Variants in FTO observed in about 807,000 individuals in gnomAD.
FTO encodes the protein FTO alpha-ketoglutarate dependent dioxygenase, also known as alpha-ketoglutarate-dependent dioxygenase FTO.
In FTO, 47 loss-of-function variants were observed where a neutral mutation model predicts 63.9. The ratio of observed to expected loss-of-function variants is 0.74; its 90% CI spans 0.58 to 0.94. The LOEUF is 0.94. Among genes scored for constraint, FTO ranks in the 40% least tolerant of loss-of-function variants. The probability of loss-of-function intolerance (pLI) is 0.00; values close to 1 mark genes in which losing one functional copy is unlikely to be tolerated. For synonymous variants in FTO, 207 were observed against 224.4 expected (o/e 0.92, Z 0.69); for missense variants, 562 against 618.1 (o/e 0.91, Z 0.96).
At position 54,121,193 on chromosome 16, in the gene FTO, A is replaced by G. The variant is rs2087002902; in HGVS notation, c.*9278A>G. ...CCAAATAGTCATTGTCTGACCCTTCATAGAAAAATTTTGCTGAACTGTAGT... is the reference window on the plus strand; with the variant it reads ...CCAAATAGTCATTGTCTGACCCTTCGTAGAAAAATTTTGCTGAACTGTAGT... On this transcript the variant is annotated 3_prime_UTR_variant, in exon 9 of 9. Coordinates refer to ENST00000471389, the MANE Select transcript of FTO (RefSeq NM_001080432.3). 6.6e-6 allele frequency: 1 copy of G among 152,232 alleles called. No homozygotes were observed. The highest frequency in any genetic ancestry group is 2.1e-4 in the South Asian group (1 of 4,836). The allele number at this position is 152,232 out of a possible 1,614,324, so 9.4% of individuals were successfully genotyped here.
chr16:53,775,623 AC>A (rs2077441754), intron 1 of FTO, among the ~76,000 whole-genome samples: 1 of 152,230 alleles, frequency 6.6e-6, no homozygotes, highest in Non-Finnish European at 1.5e-5. Context: ...GACTTTCAGG[AC>A]CTTCCATAAT....
At chr16:54,076,286 C>T (rs1398748291) in intron 8 of FTO, among the ~76,000 whole-genome samples, 8 of 152,160 alleles carry the variant, frequency 5.3e-5, no homozygotes, top group Non-Finnish European at 1.0e-4. Context: ...TTAAGCAAAG[C>T]CAGAGCTTTA....
intron 1 of FTO, among the ~76,000 whole-genome samples, chr16:53,746,137 T>A (rs943112639): frequency 6.6e-6 from 1 of 152,238 alleles, no homozygotes; most frequent in African/African-American, 2.4e-5. Flanking sequence ...AAGATTACAG[T>A]TCCCAGCTTC....
chr16:53,711,302 A>G, intron 1 of FTO: 1 of 396,700 alleles, frequency 2.5e-6, no homozygotes, highest in Non-Finnish European at 4.4e-6. Context: ...GTTTTGTACC[A>G]CCTTTCAGAA....
At chr16:53,901,250 C>A (rs1389260816) in intron 7 of FTO, among the ~76,000 whole-genome samples, 1 of 152,112 alleles carries the variant, frequency 6.6e-6, no homozygotes, top group Non-Finnish European at 1.5e-5. Context: ...AAATTGAATA[C>A]CAGCTTAATA....
intron 7 of FTO, among the ~76,000 whole-genome samples, chr16:53,910,006 T>C (rs988460641): frequency 1.3e-5 from 2 of 152,112 alleles, no homozygotes; most frequent in Non-Finnish European, 2.9e-5. Flanking sequence ...GCCTCCCAAA[T>C]AGCTGGAAGT....
intron 1 of FTO, among the ~76,000 whole-genome samples, chr16:53,778,326 C>T (rs2151648930): frequency 6.6e-6 from 1 of 152,248 alleles, no homozygotes; most frequent in Non-Finnish European, 1.5e-5. Flanking sequence ...AATCATTCCA[C>T]AATGTATACA....
At chr16:53,795,147 A>T (rs2078029125) in intron 1 of FTO, among the ~76,000 whole-genome samples, 1 of 152,328 alleles carries the variant, frequency 6.6e-6, no homozygotes. Flanking sequence ...CAAATTTTGG[A>T]AATGAAAAAT....
At chr16:54,102,984 C>A (rs373333740) in intron 8 of FTO, among the ~76,000 whole-genome samples, 2 of 152,068 alleles carry the variant, frequency 1.3e-5, no homozygotes, top group South Asian at 2.1e-4. Flanking sequence ...GAGATGCTAT[C>A]TCTACAAAAA....
At chr16:53,951,828 G>A (rs185015560) in intron 8 of FTO, among the ~76,000 whole-genome samples, 101 of 150,514 alleles carry the variant, frequency 6.7e-4, no homozygotes, top group African/African-American at 2.2e-3. Flanking sequence ...TTTTTTTTAA[G>A]TTGATTTAAA....
intron 5 of FTO, among the ~76,000 whole-genome samples, chr16:53,878,166 T>C (rs1490244501): frequency 6.6e-6 from 1 of 152,156 alleles, no homozygotes; most frequent in African/African-American, 2.4e-5. Flanking sequence ...GGCGTGGTGG[T>C]GCACATCTTT....
chr16:53,982,089 C>A (rs186262729), intron 8 of FTO, among the ~76,000 whole-genome samples: 445 of 140,818 alleles, frequency 3.2e-3, no homozygotes, highest in East Asian at 1.0e-2. Flanking sequence ...AAAAAAAAAA[C>A]AAAAAACAAG....
At chr16:53,795,852 T>C (rs912321716) in intron 1 of FTO, among the ~76,000 whole-genome samples, 10 of 152,134 alleles carry the variant, frequency 6.6e-5, no homozygotes, top group South Asian at 2.1e-4. Context: ...GGGGAAGTTA[T>C]AGTTAATTTT....
At chr16:53,920,049 G>A (rs1214934456) in intron 7 of FTO, among the ~76,000 whole-genome samples, 1 of 152,120 alleles carries the variant, frequency 6.6e-6, no homozygotes, top group Admixed American at 6.5e-5. Flanking sequence ...TCATTTTTAT[G>A]ACTCATTTTA....
At chr16:53,898,004 C>A (rs1241495843) in intron 7 of FTO, among the ~76,000 whole-genome samples, 3 of 152,164 alleles carry the variant, frequency 2.0e-5, no homozygotes, top group Non-Finnish European at 4.4e-5. Flanking sequence ...AAACTACCAT[C>A]GTTTATAAAA....
At chr16:54,101,724 T>C (rs1427458231) in intron 8 of FTO, among the ~76,000 whole-genome samples, 1 of 152,240 alleles carries the variant, frequency 6.6e-6, no homozygotes, top group African/African-American at 2.4e-5. Flanking sequence ...CTTTTAGCTC[T>C]TTCGGGAATT....
At chr16:53,911,581 G>T in intron 7 of FTO, 3 of 675,012 alleles carry the variant, frequency 4.4e-6, no homozygotes. Context: ...ACCATTCTGT[G>T]TGGCACTGAT....
intron 7 of FTO, among the ~76,000 whole-genome samples, chr16:53,928,093 A>G (rs527579054): frequency 6.6e-6 from 1 of 152,314 alleles, no homozygotes; most frequent in East Asian, 1.9e-4. Context: ...GAGTTATGGG[A>G]AAGACCCACA....
chr16:53,813,822 C>G (rs955754031), intron 2 of FTO, among the ~76,000 whole-genome samples: 1 of 152,144 alleles, frequency 6.6e-6, no homozygotes, highest in Non-Finnish European at 1.5e-5. Context: ...TCATTGTATT[C>G]AGCAACTACT....
Sources: gnomAD v4.1 joint callset for allele counts (sites outside exome capture counted in the v4.1 genomes callset) on GRCh38, gnomAD v4.1.1 for gene constraint, MANE v1.5 for transcripts, NCBI Gene and HGNC (gene_info 2026-07-23, HGNC 2026-07-21) for gene names.